The following UGP2 variants were observed in gnomAD, a reference collection of about 807,000 sequenced individuals.
The protein encoded by UGP2 is UDP-glucose pyrophosphorylase 2.
UGP2 carries 40 observed loss-of-function variants against 49.0 expected under a neutral mutation model. That is an observed-to-expected ratio of 0.82 (90% CI 0.63 to 1.06). UGP2 has a LOEUF of 1.06. Among genes scored for constraint, UGP2 ranks in the 50% least tolerant of loss-of-function variants. The pLI is 0.00. For synonymous variants in UGP2, 225 were observed against 213.0 expected, an observed-to-expected ratio of 1.06 and a Z score of -0.49; for missense variants, 460 against 603.5, an observed-to-expected ratio of 0.76 and a Z score of 2.49.
At chr2:63,888,739 A>G (rs1235286120) in intron 8 of UGP2, 1 of 152,292 alleles carries the variant, frequency 6.6e-6, no homozygotes, top group African/African-American at 2.4e-5. Context: ...AGATGTGGGG[A>G]GAACGTGCAA....
At position 63,884,186 on chromosome 2, in the gene UGP2, G is replaced by T. The variant is rs554069314; in HGVS notation, c.575+93G>T. The T allele has an allele frequency of 1.7e-5, 24 of 1,450,864 alleles. No homozygotes were observed. In the South Asian group the frequency reaches 2.1e-4, roughly 13 times the overall value. The allele number at this position is 1,450,864 out of a possible 1,614,324, so 89.9% of individuals were successfully genotyped here. A position where few individuals can be genotyped will look rare whatever the true frequency, so the allele number is the denominator to read the frequency against. On this transcript the variant is annotated intron_variant, in intron 5 of 9. Coordinates refer to ENST00000337130, the MANE Select transcript of UGP2 (RefSeq NM_006759.4). Reference sequence around the variant, plus strand: ...AACAGAGCAGTTTCAAGATGTACAGGTACCAAATATTGATGTTCACAAGTG... The same window carrying T: ...AACAGAGCAGTTTCAAGATGTACAGTTACCAAATATTGATGTTCACAAGTG...
chr2:63,887,429 C>T lies in UGP2; in HGVS notation c.1099C>T (p.Gln367Ter). 1 of 1,613,998 alleles carries T rather than the reference C, an allele frequency of 6.2e-7. No homozygotes were observed. The highest frequency in any genetic ancestry group is 2.2e-5 in the East Asian group (1 of 44,870). Residue 367 changes from glutamine to a stop codon, truncating the protein, a stop_gained, in exon 8 of 10, where the codon CAA (glutamine) becomes TAA (stop). Coordinates refer to ENST00000337130, the MANE Select transcript of UGP2 (RefSeq NM_006759.4). LOFTEE classifies it high-confidence loss of function. Reference protein sequence around the residue: ...KTLDGGLNVIQLETAVGAAIK... With the variant: ...KTLDGGLNVI ...TTTGGATGGAGGCCTGAATGTCATTCAATTAGAAACTGCAGTAGGGGCTGC... is the reference window on the plus strand; with the variant it reads ...TTTGGATGGAGGCCTGAATGTCATTTAATTAGAAACTGCAGTAGGGGCTGC...
At chr2:63,874,693 G>A (rs1670790423) in intron 3 of UGP2, among the ~76,000 whole-genome samples, 1 of 151,936 alleles carries the variant, frequency 6.6e-6, no homozygotes, top group Non-Finnish European at 1.5e-5. Flanking sequence ...CATGGGAACG[G>A]ATCCCTCATG....
intron 6 of UGP2, 23 bp from the exon 7 acceptor site, chr2:63,886,318 C>T (rs1239624331): frequency 6.2e-7 from 1 of 1,610,506 alleles, no homozygotes; most frequent in African/African-American, 1.3e-5. Context: ...TGTGGAGGCA[C>T]TCACTATTTT....
intron 3 of UGP2, among the ~76,000 whole-genome samples, chr2:63,867,200 A>G (rs1043558359): frequency 1.3e-5 from 2 of 152,212 alleles, no homozygotes; most frequent in African/African-American, 2.4e-5. Flanking sequence ...TCCTACCATT[A>G]CAAAGACCAC....
At chr2:63,842,343 T>C in intron 1 of UGP2, 139 bp downstream of exon 1, 2 of 1,603,704 alleles carry the variant, frequency 1.2e-6, no homozygotes, top group Non-Finnish European at 1.7e-6. Flanking sequence ...TGAATTGTCA[T>C]CTGAGCTGCC....
chr2:63,864,765 G>A (rs760802171), intron 3 of UGP2, among the ~76,000 whole-genome samples: 4 of 152,160 alleles, frequency 2.6e-5, no homozygotes, highest in African/African-American at 4.8e-5. Flanking sequence ...GTAGAGTAGA[G>A]CAGGCTCCAT....
At chr2:63,876,739 G>T (rs1180728325) in intron 3 of UGP2, among the ~76,000 whole-genome samples, 1 of 152,208 alleles carries the variant, frequency 6.6e-6, no homozygotes, top group Non-Finnish European at 1.5e-5. Context: ...GCACTTACTT[G>T]AATGGTACAT....
intron 1 of UGP2, chr2:63,842,426 C>G: frequency 6.4e-7 from 1 of 1,565,494 alleles, no homozygotes; most frequent in Non-Finnish European, 8.6e-7. Flanking sequence ...AGTTTTGCCT[C>G]CCTGAAATCA....
intron 3 of UGP2, among the ~76,000 whole-genome samples, chr2:63,867,000 T>G (rs1309914545): frequency 6.6e-6 from 1 of 152,232 alleles, no homozygotes. Flanking sequence ...ATTTTTTATT[T>G]TTAACACCAT....
chr2:63,877,949 C>T (rs563530710), intron 3 of UGP2, among the ~76,000 whole-genome samples: 8 of 122,996 alleles, frequency 6.5e-5, no homozygotes, highest in East Asian at 5.5e-4. Flanking sequence ...GCCGAGATTG[C>T]GCCACTGCAG....
At chr2:63,854,713 G>A (rs1669272353) in intron 1 of UGP2, 1 of 152,234 alleles carries the variant, frequency 6.6e-6, no homozygotes, top group Non-Finnish European at 1.5e-5. Flanking sequence ...AGGGGTAGAA[G>A]AGGTGACAGG....
At chr2:63,877,703 T>C (rs1199887641) in intron 3 of UGP2, among the ~76,000 whole-genome samples, 2 of 151,980 alleles carry the variant, frequency 1.3e-5, no homozygotes, top group African/African-American at 4.8e-5. Flanking sequence ...TTGTAAGAAG[T>C]CTGCATGCGG....
At position 63,886,474 on chromosome 2, in the gene UGP2, TTGCAGCAGTTAAAAGAC is replaced by T; in HGVS notation, c.1013_1029del (p.Ala338GlyfsTer6). 1.2e-6 allele frequency: 2 copies of T among 1,613,886 alleles called. No homozygotes were observed. Among genetic ancestry groups the T allele is most frequent in the Non-Finnish European group, 1.7e-6 (2 of 1,179,758 alleles). On this transcript the variant is annotated frameshift_variant, in exon 7 of 10. Coordinates refer to ENST00000337130, the MANE Select transcript of UGP2 (RefSeq NM_006759.4). LOFTEE classifies it high-confidence loss of function. ...AATACAAACAACCTATGGATTTCTC[TTGCAGCAGTTAAAAGAC>T]TGCAGGAGCAAAATGCCATTGACAT... is the stretch of plus-strand genomic sequence containing the variant.
upstream of UGP2, chr2:63,841,704 A>T (rs1309076459): frequency 1.3e-5 from 2 of 153,804 alleles, no homozygotes; most frequent in African/African-American, 4.8e-5. Flanking sequence ...AGCCGCTGTT[A>T]ACCGGGGTTT....
rs1054742166 is a variant in UGP2, at chr2:63,841,919, T to A, written c.-267T>A. 13 of 413,328 alleles carry A rather than the reference T, an allele frequency of 3.1e-5. No individual in the cohort carries two copies. In the Admixed American group the frequency reaches 4.8e-4, roughly 15 times the overall value. 25.6% of individuals were successfully genotyped at this position (413,328 alleles called of 1,614,324 possible). On this transcript the variant is annotated 5_prime_UTR_variant, in exon 1 of 10. In the 5' UTR this introduces an upstream ATG that the reference lacks. Coordinates refer to ENST00000337130, the MANE Select transcript of UGP2 (RefSeq NM_006759.4). ...CCGGGAGTCTCCAGCTGGCCCTCAT[T>A]TGTGTCCGGAGCTCAGGAGTTCCCA... is the stretch of plus-strand genomic sequence containing the variant.
At chr2:63,865,729 A>G (rs535333208) in intron 3 of UGP2, among the ~76,000 whole-genome samples, 14 of 151,868 alleles carry the variant, frequency 9.2e-5, no homozygotes, top group African/African-American at 3.4e-4. Flanking sequence ...TATAAAGACA[A>G]GGTCTCGCTG....
chr2:63,887,846 G>T, intron 8 of UGP2: 1 of 693,962 alleles, frequency 1.4e-6, no homozygotes. Flanking sequence ...CATATGGAGA[G>T]TAGAAAATAA....
At chr2:63,861,519 T>C (rs1284934005) in intron 3 of UGP2, among the ~76,000 whole-genome samples, 1 of 147,494 alleles carries the variant, frequency 6.8e-6, no homozygotes, top group African/African-American at 2.4e-5. Flanking sequence ...ACCTCACCTC[T>C]ACAAATTTTT....
Sources: allele counts gnomAD v4.1 joint callset (sites outside exome capture counted in the v4.1 genomes callset), GRCh38; gene constraint gnomAD v4.1.1; transcripts MANE v1.5; gene names NCBI Gene and HGNC (gene_info 2026-07-23, HGNC 2026-07-21).